Variants in ACBD5 observed in about 807,000 individuals in gnomAD.
ACBD5 encodes acyl-CoA-binding domain-containing protein 5.
A neutral mutation model predicts 71.8 loss-of-function variants in ACBD5; 40 were observed. The ratio of observed to expected loss-of-function variants is 0.56; its 90% CI spans 0.43 to 0.72. The LOEUF (loss-of-function observed/expected upper bound fraction) is 0.72. ACBD5 is among the 30% of genes least tolerant of loss of function. The pLI is 0.00. For missense variants in ACBD5, 559 were observed against 644.5 expected (o/e 0.87, Z 1.44); for synonymous variants, 229 against 218.6 (o/e 1.05, Z -0.42).
chr10:27,236,913 T>C (rs531917170), intron 2 of ACBD5, among the ~76,000 whole-genome samples: 319 of 149,324 alleles, frequency 2.1e-3, no homozygotes, highest in African/African-American at 7.5e-3. Flanking sequence ...AAAGCTGTGC[T>C]GTGGAAATTA....
At chr10:27,237,398 C>T (rs1331647907) in intron 2 of ACBD5, among the ~76,000 whole-genome samples, 3 of 152,118 alleles carry the variant, frequency 2.0e-5, no homozygotes, top group Non-Finnish European at 4.4e-5. Flanking sequence ...GGATTCATTA[C>T]TATTTCAGGC....
rs936987362 is a variant in ACBD5 at position 27,215,515 on chromosome 10, T to A, written c.936+20A>T. 2 of 1,541,460 alleles carry A rather than the reference T, an allele frequency of 1.3e-6. No homozygotes were observed. The highest frequency in any genetic ancestry group is 1.7e-4 in the Middle Eastern group (1 of 5,934). On this transcript the variant is annotated intron_variant, in intron 8 of 12. Coordinates refer to ENST00000396271, the MANE Select transcript of ACBD5 (RefSeq NM_145698.5). ...ATACACCACTTTGAAAATACACCAA[T>A]CAGAAAATGTCATTTTTACCTCTTC...
intron 10 of ACBD5, among the ~76,000 whole-genome samples, chr10:27,207,889 C>A (rs2060634953): frequency 6.6e-6 from 1 of 152,000 alleles, no homozygotes; most frequent in South Asian, 2.1e-4. Context: ...TATGCAACAC[C>A]ACACCTGCCT....
downstream of ACBD5, among the ~76,000 whole-genome samples, chr10:27,191,898 TAATAAC>T (rs147839872): frequency 0.1 from 15,232 of 151,428 alleles, 2,479 homozygotes; most frequent in African/African-American, 0.35. Flanking sequence ...CAAAAAAAAA[TAATAAC>T]AATAAAGTCT....
intron 4 of ACBD5, 67 bp downstream of exon 4, chr10:27,231,681 G>A (rs542637181): frequency 7.2e-7 from 1 of 1,381,960 alleles, no homozygotes; most frequent in African/African-American, 1.4e-5. Flanking sequence ...CAGCTAATTT[G>A]TCTGATAACC....
At chr10:27,212,579 CTTTT>C (rs398045942) in intron 8 of ACBD5, among the ~76,000 whole-genome samples, 2 of 132,686 alleles carry the variant, frequency 1.5e-5, no homozygotes, top group Non-Finnish European at 3.2e-5. Context: ...ATTTATGCTG[CTTTT>C]TTTTTTTTTT....
At chr10:27,228,427 A>T (rs1019532688) in intron 4 of ACBD5, among the ~76,000 whole-genome samples, 3 of 151,868 alleles carry the variant, frequency 2.0e-5, no homozygotes, top group Non-Finnish European at 4.4e-5. Context: ...AATACAAAAA[A>T]TTAGCCAGAT....
intron 4 of ACBD5, among the ~76,000 whole-genome samples, chr10:27,227,339 A>G (rs926368751): frequency 2.0e-5 from 3 of 151,506 alleles, no homozygotes; most frequent in Non-Finnish European, 4.4e-5. Flanking sequence ...AGGTGTAGAT[A>G]TACTCTTAAG....
intron 2 of ACBD5, among the ~76,000 whole-genome samples, chr10:27,237,506 C>T (rs1484257243): frequency 6.6e-6 from 1 of 151,620 alleles, no homozygotes; most frequent in Non-Finnish European, 1.5e-5. Flanking sequence ...AGTAGTATTA[C>T]AAAAATATTT....
upstream of ACBD5, among the ~76,000 whole-genome samples, chr10:27,241,490 G>A (rs1213522273): frequency 6.6e-6 from 1 of 152,078 alleles, no homozygotes; most frequent in Non-Finnish European, 1.5e-5. Flanking sequence ...AACTGGGCTG[G>A]GACGGAGGGC....
intron 6 of ACBD5, 80 bp from the exon 7 acceptor site, chr10:27,218,263 T>G: frequency 3.6e-6 from 4 of 1,114,300 alleles, no homozygotes; most frequent in South Asian, 1.2e-5. Flanking sequence ...TATCCAGCTG[T>G]TATTTCCCTA....
At chr10:27,202,639 AT>A (rs1422251943) in intron 12 of ACBD5, among the ~76,000 whole-genome samples, 1 of 152,210 alleles carries the variant, frequency 6.6e-6, no homozygotes, top group Middle Eastern at 3.2e-3. Flanking sequence ...TAAGCATAAA[AT>A]AAATTATTAA....
At chr10:27,204,947 G>A (rs1426440784) in intron 11 of ACBD5, among the ~76,000 whole-genome samples, 1 of 152,132 alleles carries the variant, frequency 6.6e-6, no homozygotes, top group Non-Finnish European at 1.5e-5. Flanking sequence ...CTAACATGGT[G>A]AAACCCTGTC....
At position 27,240,249 on chromosome 10, in the gene ACBD5, A is replaced by AC; in HGVS notation, c.181+69dup. 1 of 1,612,862 alleles carries AC rather than the reference A, an allele frequency of 6.2e-7. No individual in the cohort carries two copies. The highest frequency in any genetic ancestry group is 8.5e-7 in the Non-Finnish European group (1 of 1,179,854). On this transcript the variant is annotated intron_variant, in intron 2 of 12. Transcript: ENST00000396271. The surrounding 1 kb of genome is among the most constrained non-coding windows in gnomAD (Gnocchi z 4.1). ...AAAAGGCTAAATAAACAACACTAGA[A>AC]CCAGAAAGTGAAAGGGGGCTTTGGG... is the stretch of plus-strand genomic sequence containing the variant.
At chr10:27,212,006 G>GA (rs2061135301) in intron 8 of ACBD5, among the ~76,000 whole-genome samples, 1 of 152,086 alleles carries the variant, frequency 6.6e-6, no homozygotes, top group Non-Finnish European at 1.5e-5. Flanking sequence ...ACAGAGAGAA[G>GA]GCCAGGGTGG....
intron 4 of ACBD5, 70 bp from the exon 5 acceptor site, chr10:27,223,522 TCTC>T (rs1337917054): frequency 1.5e-4 from 159 of 1,081,056 alleles, no homozygotes; most frequent in Admixed American, 2.3e-4. Flanking sequence ...TATCAAATAA[TCTC>T]CTATTTCCAA....
chr10:27,232,039 T>C (rs2063935918), intron 3 of ACBD5, among the ~76,000 whole-genome samples: 1 of 152,190 alleles, frequency 6.6e-6, no homozygotes, highest in South Asian at 2.1e-4. Flanking sequence ...AACCCGTCTA[T>C]GTAGTAATGT....
chr10:27,240,970 G>C, upstream of ACBD5: 1 of 589,782 alleles, frequency 1.7e-6, no homozygotes, highest in South Asian at 2.0e-5. This position sits in a 1 kb window ranked among gnomAD's most constrained non-coding sequence, Gnocchi z 4.1. Flanking sequence ...GGGAAAGGGG[G>C]CCACAGTCCC....
rs1257151193 is a variant in ACBD5, at chr10:27,223,357, C to G, written c.471G>C (p.Arg157Ser). The G allele has an allele frequency of 6.2e-7, 1 of 1,613,588 alleles. No homozygotes were observed. Among genetic ancestry groups the G allele is most frequent in the Non-Finnish European group, 8.5e-7 (1 of 1,179,692 alleles). ...YEIVEDKKSG[R>S]SSDITSDLGN... ...TCCAACCTGAGGTTATATCAGAACT[C>G]CTGCCACTCTTTTTGTCCTCGACAA... The change falls in exon 5 of 13, where the codon AGG becomes AGC. Residue 157 changes from arginine (R) to serine (S), a missense_variant. Physicochemically the swap from Arg to Ser is moderately radical, Grantham distance 110 (BLOSUM62 -1). Coordinates refer to ENST00000396271, the MANE Select transcript of ACBD5 (RefSeq NM_145698.5).
Sources: gnomAD v4.1 joint callset for allele counts (sites outside exome capture counted in the v4.1 genomes callset) on GRCh38, gnomAD v4.1.1 for gene constraint, Gnocchi (gnomAD v3.1) non-coding constraint, MANE v1.5 for transcripts, NCBI Gene and HGNC (gene_info 2026-07-23, HGNC 2026-07-21) for gene names.